FMNL1: variants seen among roughly 807,000 people sequenced by gnomAD.
The protein encoded by FMNL1 is formin-like protein 1.
In FMNL1, 43 loss-of-function variants were observed where a neutral mutation model predicts 121.3. The observed-to-expected ratio is 0.35, with a 90% confidence interval of 0.28 to 0.46. FMNL1 has a LOEUF of 0.46. Among genes scored for constraint, FMNL1 ranks in the 20% least tolerant of loss-of-function variants. The pLI is 1.00. For missense variants in FMNL1, 1,191 were observed against 1,482.4 expected (o/e 0.80, Z 3.23); for synonymous variants, 613 against 613.5 (o/e 1.00, Z 0.01).
At chr17:45,246,668 T>A in intron 26 of FMNL1, 64 bp downstream of exon 26, 1 of 1,475,006 alleles carries the variant, frequency 6.8e-7, no homozygotes, top group Non-Finnish European at 9.2e-7. Context: ...TTGGGAGAAC[T>A]GAGGCATGCT....
chr17:45,222,270 G>A lies in FMNL1; in HGVS notation c.129+17G>A, dbSNP rs1206066845. On this transcript the variant is annotated intron_variant, in intron 1 of 26. Transcript: ENST00000331495. The stretch of plus-strand genomic sequence containing the variant: ...CGCGCCCTGGTGAGTGCGACCCGGA[G>A]GCGGGTCGGGCGCGGGCGGGGGGCG... The A allele has an allele frequency of 8.5e-6, 10 of 1,171,948 alleles. No individual in the cohort carries two copies. In the African/African-American group the frequency reaches 1.3e-4, roughly 15 times the overall value. 72.6% of individuals were successfully genotyped at this position (1,171,948 alleles called of 1,614,324 possible).
rs753043636 is a variant in FMNL1, at chr17:45,245,420, C to T, written c.2892+4C>T. 3.4e-5 allele frequency: 55 copies of T among 1,613,952 alleles called. No individual in the cohort carries two copies. Among genetic ancestry groups the T allele is most frequent in the Admixed American group, 8.3e-5 (5 of 60,002 alleles). ...GGCAGACAGCAAGACGGCTCAGGTG[C>T]GCCAGGGCTGGCCTCACCTGGAGGT... On this transcript the variant is annotated splice_donor_region_variant and intron_variant, in intron 22 of 26. Coordinates refer to ENST00000331495, the MANE Select transcript of FMNL1 (RefSeq NM_005892.4).
chr17:45,240,439 ACC>A, intron 11 of FMNL1, 35 bp from the exon 12 acceptor site: 1 of 1,583,482 alleles, frequency 6.3e-7, no homozygotes, highest in Non-Finnish European at 8.6e-7. Flanking sequence ...CCACACACAC[ACC>A]AGGCCTCACC....
In FMNL1 at chr17:45,233,026, A is replaced by G. The variant is rs2143350729; in HGVS notation, c.328-198A>G. 5 of 670,756 alleles carry G rather than the reference A, an allele frequency of 7.5e-6. No homozygotes were observed. Among genetic ancestry groups the G allele is most frequent in the Non-Finnish European group, 1.4e-5 (5 of 365,370 alleles). 41.6% of individuals were successfully genotyped at this position (670,756 alleles called of 1,614,324 possible). ...GGGGGTGTGTGTACCCTGCTTGTCT[A>G]TGTATGGGGGAGCACATGTAGCCTG... On this transcript the variant is annotated intron_variant, in intron 3 of 26. Transcript: ENST00000331495. The surrounding 1 kb of genome is among the most constrained non-coding windows in gnomAD (Gnocchi z 4.1).
Position 45,245,003 on chromosome 17 carries a change from C to T in FMNL1, c.2623C>T (p.Arg875Cys), listed in dbSNP as rs754579127. 23 of 1,613,780 alleles carry T rather than the reference C, an allele frequency of 1.4e-5. No homozygotes were observed. Among genetic ancestry groups the T allele is most frequent in the Non-Finnish European group, 1.7e-5 (20 of 1,179,832 alleles). The change falls in exon 21 of 27, where the codon CGC becomes TGC. Residue 875 changes from arginine to cysteine, a missense_variant. By Grantham distance (180) the Arg-to-Cys change is radical. Transcript: ENST00000331495. ...DALLEMKSTD[R>C]KQTLLHYLVK... ...GCTGTTGGAGATGAAGTCGACTGATCGCAAGCAGACGCTGCTGCACTACCT... is the reference window on the plus strand; with the variant it reads ...GCTGTTGGAGATGAAGTCGACTGATTGCAAGCAGACGCTGCTGCACTACCT...
At chr17:45,222,761 C>T (rs2043255463) in intron 1 of FMNL1, among the ~76,000 whole-genome samples, 2 of 151,972 alleles carry the variant, frequency 1.3e-5, no homozygotes, top group Admixed American at 1.3e-4. Context: ...CAGGAGGTAT[C>T]TGTGTTTCTA....
rs1328095667 is a variant in FMNL1 at position 45,232,147 on chromosome 17, C to T, written c.214-220C>T. Among the ~76,000 whole-genome samples, 17 of 152,188 alleles carry T rather than the reference C, an allele frequency of 1.1e-4. 1 individual carries two copies. The South Asian group carries it at 3.5e-3, about 32-fold the overall frequency. The stretch of plus-strand genomic sequence containing the variant: ...TATGTTCGTGCCACAGCACTCCAGC[C>T]TGGGCCACAGGGCAAGAAAAGAGAA... On this transcript the variant is annotated intron_variant, in intron 2 of 26. Transcript: ENST00000331495.
chr17:45,230,490 C>A, intron 1 of FMNL1, 114 bp from the exon 2 acceptor site: 1 of 856,290 alleles, frequency 1.2e-6, no homozygotes, highest in Non-Finnish European at 1.9e-6. Context: ...TCAGAGGATT[C>A]ATGGGGGTGA....
intron 2 of FMNL1, 134 bp from the exon 3 acceptor site, chr17:45,232,233 G>A (rs1247619769): frequency 9.7e-6 from 7 of 719,722 alleles, no homozygotes; most frequent in South Asian, 4.9e-5. Context: ...TTATACCTTT[G>A]GTATTTCAGA....
intron 1 of FMNL1, among the ~76,000 whole-genome samples, chr17:45,227,341 G>A (rs938758241): frequency 2.6e-5 from 4 of 152,152 alleles, no homozygotes; most frequent in Admixed American, 2.0e-4. Flanking sequence ...CTGGTGTGGG[G>A]GAGGTGGGGG....
Position 45,242,142 on chromosome 17 carries a change from C to T in FMNL1, c.1881C>T (p.Gly627=), listed in dbSNP as rs1261741802. Residue 627 remains glycine, a synonymous_variant, in exon 15 of 27, where the codon GGC becomes GGT. Coordinates refer to ENST00000331495, the MANE Select transcript of FMNL1 (RefSeq NM_005892.4). ...TAGGAAGACGCGACTCAGAATTGGG[C>T]CCAGGTGAGTGGAGTGGACCACCTT... The part of the protein sequence containing the change: ...DALGRRDSEL[G]PGVKAKKPIQ... The T allele has an allele frequency of 5.3e-5, 81 of 1,540,514 alleles. No homozygotes were observed. Among genetic ancestry groups the T allele is most frequent in the Non-Finnish European group, 6.8e-5 (78 of 1,143,216 alleles).
chr17:45,232,059 A>AGT (rs2043450559), intron 2 of FMNL1, among the ~76,000 whole-genome samples: 1 of 152,176 alleles, frequency 6.6e-6, no homozygotes, highest in Non-Finnish European at 1.5e-5. Flanking sequence ...CCGTAGTCCC[A>AGT]GCTACCTGGG....
chr17:45,243,391 T>C, intron 17 of FMNL1, 71 bp downstream of exon 17: 1 of 1,541,358 alleles, frequency 6.5e-7, no homozygotes, highest in Non-Finnish European at 8.8e-7. Flanking sequence ...AGGCAGATCC[T>C]AGTAAAAGAG....
Position 45,245,689 on chromosome 17 carries a change from G to A in FMNL1, c.2950G>A (p.Gly984Ser), listed in dbSNP as rs1043681001. The A allele has an allele frequency of 3.7e-6, 6 of 1,614,014 alleles. No individual in the cohort carries two copies. In the African/African-American group the frequency reaches 8.0e-5, roughly 22 times the overall value. The change falls in exon 23 of 27, where the codon GGC becomes AGC. Residue 984 changes from glycine (G) to serine (S), a missense_variant. Gly to Ser is a moderately conservative substitution (Grantham distance 56, BLOSUM62 0). Coordinates refer to ENST00000331495, the MANE Select transcript of FMNL1 (RefSeq NM_005892.4). ...FGENPKTTSP[G>S]LFFSLFSRFI... Reference sequence around the variant, plus strand: ...AGAGAACCCCAAGACCACATCCCCAGGCCTGTTCTTCTCCCTCTTTAGCCG... The same window carrying A: ...AGAGAACCCCAAGACCACATCCCCAAGCCTGTTCTTCTCCCTCTTTAGCCG...
chr17:45,222,996 G>A (rs1029653110), intron 1 of FMNL1, among the ~76,000 whole-genome samples: 1 of 152,142 alleles, frequency 6.6e-6, no homozygotes, highest in Non-Finnish European at 1.5e-5. Context: ...AGCTCAGGCC[G>A]AGCCTGGAAA....
At chr17:45,238,354 G>A in intron 9 of FMNL1, 2 of 544,472 alleles carry the variant, frequency 3.7e-6, no homozygotes, top group South Asian at 4.2e-5. Flanking sequence ...GCCCTGGGGT[G>A]GGAATGTGCC....
intron 11 of FMNL1, chr17:45,240,272 T>C: frequency 2.4e-6 from 1 of 423,350 alleles, no homozygotes; most frequent in East Asian, 4.2e-5. Flanking sequence ...TTGCACAACC[T>C]TGTGGCTATA....
intron 15 of FMNL1, 49 bp from the exon 16 acceptor site, chr17:45,242,292 T>A: frequency 6.2e-7 from 1 of 1,602,908 alleles, no homozygotes; most frequent in South Asian, 1.1e-5. Context: ...CCAGGTTCCC[T>A]CCAGTAGTAC....
intron 6 of FMNL1, among the ~76,000 whole-genome samples, chr17:45,235,765 G>A (rs987080316): frequency 6.6e-6 from 1 of 152,230 alleles, no homozygotes; most frequent in Non-Finnish European, 1.5e-5. Flanking sequence ...TAAATGGTGA[G>A]CTGGGATGCG....
Sources: gnomAD v4.1 joint callset for allele counts (sites outside exome capture counted in the v4.1 genomes callset) on GRCh38, gnomAD v4.1.1 for gene constraint, Gnocchi (gnomAD v3.1) non-coding constraint, MANE v1.5 for transcripts, NCBI Gene and HGNC (gene_info 2026-07-23, HGNC 2026-07-21) for gene names.